The following RBFOX1 variants were observed in gnomAD, a reference collection of about 807,000 sequenced individuals.
The protein encoded by RBFOX1 is RNA binding fox-1 homolog 1.
RBFOX1 carries 8 observed loss-of-function variants against 57.7 expected under a neutral mutation model. The ratio of observed to expected loss-of-function variants is 0.14; its 90% confidence interval spans 0.08 to 0.25. RBFOX1 has a LOEUF of 0.25. RBFOX1 is among the 10% of genes least tolerant of loss of function. The pLI is 1.00. For synonymous variants in RBFOX1, 326 were observed against 222.4 expected (o/e 1.47, Z -4.15); for missense variants, 611 against 548.5 (o/e 1.11, Z -1.14).
At chr16:7,646,191 C>T (rs947488814) in intron 11 of RBFOX1, among the ~76,000 whole-genome samples, 3 of 152,138 alleles carry the variant, frequency 2.0e-5, no homozygotes, top group African/African-American at 7.2e-5. Flanking sequence ...TGGAAAAAAT[C>T]AGGTTTTTTG....
intron 3 of RBFOX1, among the ~76,000 whole-genome samples, chr16:6,882,758 A>C (rs1241535496): frequency 6.6e-6 from 1 of 152,054 alleles, no homozygotes; most frequent in Admixed American, 6.5e-5. Context: ...GTTCCTTACC[A>C]AGCCAGAAAC....
chr16:5,543,080 A>T (rs1160515749), intron 2 of RBFOX1, among the ~76,000 whole-genome samples: 1 of 152,208 alleles, frequency 6.6e-6, no homozygotes, highest in Non-Finnish European at 1.5e-5. Flanking sequence ...CTCTAGTCCC[A>T]GCTGACAAAT....
At chr16:7,657,216 G>C (rs938307811) in intron 12 of RBFOX1, among the ~76,000 whole-genome samples, 3 of 152,144 alleles carry the variant, frequency 2.0e-5, no homozygotes, top group African/African-American at 7.2e-5. Flanking sequence ...TACCTTTATG[G>C]AAGCTTGGGT....
intron 3 of RBFOX1, among the ~76,000 whole-genome samples, chr16:6,969,406 C>T (rs922372070): frequency 2.7e-5 from 4 of 150,198 alleles, no homozygotes; most frequent in Admixed American, 6.6e-5. Flanking sequence ...ATGCATATTT[C>T]ACAATGAATA....
chr16:7,438,346 A>C (rs1468818401), intron 4 of RBFOX1, among the ~76,000 whole-genome samples: 1 of 152,102 alleles, frequency 6.6e-6, no homozygotes, highest in East Asian at 1.9e-4. Flanking sequence ...ATGTCAGTCC[A>C]TGGTTTGGGT....
intron 4 of RBFOX1, among the ~76,000 whole-genome samples, chr16:7,484,957 C>G (rs1567433870): frequency 1.3e-5 from 2 of 152,198 alleles, no homozygotes; most frequent in Non-Finnish European, 2.9e-5. Flanking sequence ...TTGTTCAAAA[C>G]TATTGAGGAA....
intron 3 of RBFOX1, among the ~76,000 whole-genome samples, chr16:6,851,189 C>T (rs991646343): frequency 6.6e-6 from 1 of 152,132 alleles, no homozygotes; most frequent in African/African-American, 2.4e-5. Flanking sequence ...CTAAAGGTTA[C>T]ATACAAAATG....
chr16:5,487,777 A>G lies in RBFOX1; in HGVS notation c.258+20523A>G, dbSNP rs146216250. Among the ~76,000 whole-genome samples, 392 of 152,236 alleles carry G rather than the reference A, an allele frequency of 2.6e-3. 7 individuals are homozygous for G. The highest frequency in any genetic ancestry group is 9.0e-3 in the African/African-American group (374 of 41,528). ...TCAGTATGCTCTGCCCTTGGTATGCATTATCTCCCTGAAATGGAATAATGA... is the reference window on the plus strand; with the variant it reads ...TCAGTATGCTCTGCCCTTGGTATGCGTTATCTCCCTGAAATGGAATAATGA... On this transcript the variant is annotated intron_variant, in intron 2 of 2. Coordinates refer to the RBFOX1 transcript ENST00000585867.
intron 4 of RBFOX1, among the ~76,000 whole-genome samples, chr16:7,480,762 C>T (rs2063739421): frequency 2.0e-5 from 3 of 152,038 alleles, no homozygotes; most frequent in Admixed American, 2.0e-4. Flanking sequence ...ATGTGGGAAG[C>T]CATTTGTGAG....
At chr16:5,431,951 T>G (rs2067751034) in intron 1 of RBFOX1, among the ~76,000 whole-genome samples, 1 of 151,950 alleles carries the variant, frequency 6.6e-6, no homozygotes. Flanking sequence ...ACGGAGACTT[T>G]TTGGGGGTGT....
chr16:6,826,921 C>G (rs1328792376), intron 3 of RBFOX1, among the ~76,000 whole-genome samples: 1 of 152,104 alleles, frequency 6.6e-6, no homozygotes, highest in Non-Finnish European at 1.5e-5. Context: ...CTCTGATGTT[C>G]CATTTTTTGT....
At chr16:5,876,427 A>G (rs8048386) in intron 4 of RBFOX1, among the ~76,000 whole-genome samples, 3 of 152,204 alleles carry the variant, frequency 2.0e-5, no homozygotes, top group East Asian at 3.9e-4. Flanking sequence ...ACCCGAGGCT[A>G]TCAGACCCCC....
intron 3 of RBFOX1, among the ~76,000 whole-genome samples, chr16:5,812,201 A>T (rs185853456): frequency 2.3e-4 from 35 of 152,204 alleles, no homozygotes; most frequent in African/African-American, 8.2e-4. Flanking sequence ...GTTGATAGAC[A>T]CTTGGTTTAT....
At chr16:7,160,230 A>G (rs1169346036) in intron 4 of RBFOX1, among the ~76,000 whole-genome samples, 2 of 151,152 alleles carry the variant, frequency 1.3e-5, no homozygotes, top group Non-Finnish European at 2.9e-5. Flanking sequence ...AAAGAGTTTT[A>G]TGACTATGTG....
chr16:5,522,827 A>C (rs886892134), intron 2 of RBFOX1, among the ~76,000 whole-genome samples: 1 of 152,236 alleles, frequency 6.6e-6, no homozygotes, highest in Non-Finnish European at 1.5e-5. Flanking sequence ...TTCACTGAAC[A>C]TAATGATGTC....
At chr16:7,392,422 G>A (rs750511079) in intron 4 of RBFOX1, among the ~76,000 whole-genome samples, 2 of 152,164 alleles carry the variant, frequency 1.3e-5, no homozygotes, top group Non-Finnish European at 2.9e-5. Context: ...AAAAGTGTCT[G>A]GCTCCTAGTA....
intron 3 of RBFOX1, among the ~76,000 whole-genome samples, chr16:5,819,003 C>T (rs761375677): frequency 2.0e-5 from 3 of 152,206 alleles, no homozygotes; most frequent in Non-Finnish European, 2.9e-5. Flanking sequence ...TCCTTCTCCT[C>T]CTCTGCTCCA....
At chr16:6,357,515 G>T (rs2087569793) in intron 2 of RBFOX1, among the ~76,000 whole-genome samples, 1 of 152,030 alleles carries the variant, frequency 6.6e-6, no homozygotes, top group South Asian at 2.1e-4. Flanking sequence ...AGGGTGTCTA[G>T]CCTTTTTTAC....
At chr16:6,554,589 C>T (rs1048748622) in intron 2 of RBFOX1, among the ~76,000 whole-genome samples, 26 of 152,118 alleles carry the variant, frequency 1.7e-4, no homozygotes, top group African/African-American at 6.3e-4. Flanking sequence ...AAAAGGTTTC[C>T]GCTTATTAAA....
Sources: gnomAD v4.1 joint callset for allele counts (sites outside exome capture counted in the v4.1 genomes callset) on GRCh38, gnomAD v4.1.1 for gene constraint, MANE v1.5 for transcripts, NCBI Gene and HGNC (gene_info 2026-07-23, HGNC 2026-07-21) for gene names.